RTTN: variants seen among roughly 807,000 people sequenced by gnomAD.
RTTN encodes rotatin.
Under a neutral mutation model 269.2 loss-of-function variants are expected in RTTN, and 182 were observed. The observed-to-expected ratio is 0.68, with a 90% CI of 0.60 to 0.76. RTTN has a LOEUF of 0.76. Among genes scored for constraint, RTTN ranks in the 30% least tolerant of loss-of-function variants. The probability of loss-of-function intolerance (pLI) is 0.00; values close to 1 mark genes in which losing one functional copy is unlikely to be tolerated. For synonymous variants in RTTN, 1,006 were observed against 963.5 expected, an observed-to-expected ratio of 1.04 and a Z score of -0.82; for missense variants, 2,545 against 2,608.6, an observed-to-expected ratio of 0.98 and a Z score of 0.53.
At chr18:70,172,204 T>A (rs147467376) in intron 11 of RTTN, among the ~76,000 whole-genome samples, 1 of 152,348 alleles carries the variant, frequency 6.6e-6, no homozygotes, top group East Asian at 1.9e-4. Context: ...AACCTATACA[T>A]GAGTATTCTC....
intron 14 of RTTN, among the ~76,000 whole-genome samples, chr18:70,164,607 C>T (rs1442864072): frequency 6.6e-6 from 1 of 151,962 alleles, no homozygotes. Flanking sequence ...AAGGATAACA[C>T]TGAGAAATTC....
chr18:70,048,281 G>T (rs1220191563), intron 39 of RTTN, 93 bp from the exon 40 acceptor site: 3 of 1,136,472 alleles, frequency 2.6e-6, no homozygotes, highest in African/African-American at 1.5e-5. Context: ...CTATACTCTG[G>T]ATCATCTAGA....
chr18:70,068,139 T>C (rs1221756516), intron 34 of RTTN, among the ~76,000 whole-genome samples: 5 of 152,376 alleles, frequency 3.3e-5, no homozygotes, highest in African/African-American at 1.2e-4. Flanking sequence ...CCCAGTTCTA[T>C]GCTCAAATCT....
At chr18:70,131,371 C>T (rs1157027041) in intron 23 of RTTN, 1 of 150,212 alleles carries the variant, frequency 6.7e-6, no homozygotes, top group African/African-American at 2.4e-5. Flanking sequence ...AATTTAAATA[C>T]CTGACAATAA....
rs757499939 is a variant in RTTN at position 70,168,113 on chromosome 18, C to CAA, written c.1689+740_1689+741dup. On this transcript the variant is annotated intron_variant, in intron 12 of 48. Transcript: ENST00000640769. ...TAGCCTAGGCAACTGAGAAGGCTGT[C>CAA]AAAAAAAAAAAAAATTCAAAGAAAA... Among the ~76,000 whole-genome samples, 1,335 of 139,424 alleles carry CAA rather than the reference C, an allele frequency of 9.6e-3. 16 individuals carry two copies. The highest frequency in any genetic ancestry group is 0.012 in the Non-Finnish European group (759 of 65,400). 91.5% of individuals were successfully genotyped at this position (139,424 alleles called of 152,430 possible).
chr18:70,182,787 T>C (rs934650511), intron 10 of RTTN, among the ~76,000 whole-genome samples: 1 of 152,204 alleles, frequency 6.6e-6, no homozygotes, highest in Non-Finnish European at 1.5e-5. Flanking sequence ...TGATTACTCA[T>C]GCAAAATATT....
At chr18:70,136,865 CAT>C (rs2060136763) in intron 21 of RTTN, among the ~76,000 whole-genome samples, 1 of 152,044 alleles carries the variant, frequency 6.6e-6, no homozygotes, top group Non-Finnish European at 1.5e-5. Context: ...TACCCAGTAA[CAT>C]AGCAAACTGA....
chr18:70,197,748 A>G lies in RTTN; in HGVS notation c.579-10T>C, dbSNP rs776836111. On this transcript the variant is annotated splice_polypyrimidine_tract_variant and intron_variant, in intron 5 of 48. Coordinates refer to ENST00000640769, the MANE Select transcript of RTTN (RefSeq NM_173630.4). Reference sequence around the variant, plus strand: ...ACTACTTCTTAAAGAGCTACAAAACATAGCGTTAATCATTTTTAAGAAGAG... The same window carrying G: ...ACTACTTCTTAAAGAGCTACAAAACGTAGCGTTAATCATTTTTAAGAAGAG... 6.7e-7 allele frequency: 1 copy of G among 1,485,722 alleles called. No homozygotes were observed. The highest frequency in any genetic ancestry group is 9.4e-7 in the Non-Finnish European group (1 of 1,063,440). 92.0% of individuals were successfully genotyped at this position (1,485,722 alleles called of 1,614,324 possible). A position where few individuals can be genotyped will look rare whatever the true frequency, so the allele number is the denominator to read the frequency against.
At chr18:70,071,113 C>G (rs1398691828) in intron 34 of RTTN, among the ~76,000 whole-genome samples, 2 of 152,148 alleles carry the variant, frequency 1.3e-5, no homozygotes, top group African/African-American at 4.8e-5. Context: ...AAAGAATGGT[C>G]TACCAGTTAC....
intron 32 of RTTN, among the ~76,000 whole-genome samples, chr18:70,081,093 T>C (rs2058555982): frequency 6.6e-6 from 1 of 152,132 alleles, no homozygotes; most frequent in Non-Finnish European, 1.5e-5. Context: ...AAACATCAAA[T>C]GTTCTCACTC....
intron 35 of RTTN, among the ~76,000 whole-genome samples, chr18:70,060,330 C>T (rs2057944466): frequency 6.6e-6 from 1 of 152,202 alleles, no homozygotes; most frequent in South Asian, 2.1e-4. Flanking sequence ...CTTCATGCCC[C>T]ACGTATTCAG....
intron 11 of RTTN, among the ~76,000 whole-genome samples, chr18:70,176,209 GTATATGTAT>G (rs1568516199): frequency 4.5e-3 from 318 of 71,168 alleles, no homozygotes; most frequent in African/African-American, 0.012. Context: ...AGATGTATAT[GTATATGTAT>G]ATGTATATGT....
chr18:70,040,787 G>C (rs927751343), intron 40 of RTTN, among the ~76,000 whole-genome samples: 3 of 152,106 alleles, frequency 2.0e-5, no homozygotes, highest in Non-Finnish European at 4.4e-5. Context: ...TCTATGACCA[G>C]AGTAGAATAA....
Position 70,086,813 on chromosome 18 carries a change from T to C in RTTN, c.4303-129A>G, listed in dbSNP as rs538018767. 75 of 811,716 alleles carry C rather than the reference T, an allele frequency of 9.2e-5. 1 individual carries two copies. In the South Asian group the frequency reaches 1.1e-3, roughly 12 times the overall value. 50.3% of individuals were successfully genotyped at this position (811,716 alleles called of 1,614,324 possible). A position where few individuals can be genotyped will look rare whatever the true frequency, so the allele number is the denominator to read the frequency against. On this transcript the variant is annotated intron_variant, in intron 31 of 48. Transcript: ENST00000640769. Reference sequence around the variant, plus strand: ...ATAGCAAAAGACATCTCTGGTCAACTGCACATGCTGAGAGGTCATTATGAG... The same window carrying C: ...ATAGCAAAAGACATCTCTGGTCAACCGCACATGCTGAGAGGTCATTATGAG...
chr18:70,122,162 G>C (rs1161707664), intron 25 of RTTN, among the ~76,000 whole-genome samples: 3 of 151,982 alleles, frequency 2.0e-5, no homozygotes, highest in Non-Finnish European at 4.4e-5. Flanking sequence ...ACTAGAGTTT[G>C]TAACAGGCAA....
At chr18:70,184,706 T>TG (rs1369363481) in intron 10 of RTTN, among the ~76,000 whole-genome samples, 1,181 of 54,080 alleles carry the variant, frequency 0.022, 42 homozygotes, top group African/African-American at 0.074. Context: ...ACAGCAGGTT[T>TG]TTTTTTTTTT....
chr18:70,198,670 C>A (rs1169777024), intron 5 of RTTN, among the ~76,000 whole-genome samples: 1 of 152,166 alleles, frequency 6.6e-6, no homozygotes, highest in Non-Finnish European at 1.5e-5. Context: ...AATCAATTAA[C>A]AGTCATTACA....
intron 46 of RTTN, among the ~76,000 whole-genome samples, chr18:70,013,284 A>G (rs2056445314): frequency 6.7e-6 from 1 of 149,344 alleles, no homozygotes; most frequent in Non-Finnish European, 1.5e-5. Flanking sequence ...GTTGTCTCAA[A>G]CACTCAGAAT....
At chr18:70,173,376 C>A (rs1236230397) in intron 11 of RTTN, among the ~76,000 whole-genome samples, 1 of 151,588 alleles carries the variant, frequency 6.6e-6, no homozygotes, top group African/African-American at 2.4e-5. Flanking sequence ...ACCTGCAATC[C>A]CAGCTACTCG....
Sources: allele counts gnomAD v4.1 joint callset (sites outside exome capture counted in the v4.1 genomes callset), GRCh38; gene constraint gnomAD v4.1.1; transcripts MANE v1.5; gene names NCBI Gene and HGNC (gene_info 2026-07-23, HGNC 2026-07-21).